USP35: variants seen among roughly 807,000 people sequenced by gnomAD.
The protein encoded by USP35 is ubiquitin specific peptidase 35.
Under a neutral mutation model 83.8 loss-of-function variants are expected in USP35, and 69 were observed. The observed-to-expected ratio is 0.82, with a 90% CI of 0.68 to 1.01. The LOEUF is 1.01. Among genes scored for constraint, USP35 ranks in the 50% least tolerant of loss-of-function variants. The pLI, the probability that USP35 is intolerant of heterozygous loss-of-function variation, is 0.00. For synonymous variants in USP35, 714 were observed against 589.5 expected (o/e 1.21, Z -3.06); for missense variants, 1,503 against 1,362.5 (o/e 1.10, Z -1.62).
the USP35 span, among the ~76,000 whole-genome samples, chr11:78,221,101 T>TC: frequency 6.6e-6 from 1 of 152,184 alleles, no homozygotes; most frequent in African/African-American, 2.4e-5. Context: ...GAGCACCACC[T>TC]CCTCTAGAAC....
At position 78,196,100 on chromosome 11, in the gene USP35, C is replaced by T. The variant is rs1260978981; in HGVS notation, c.-10-136C>T. On this transcript the variant is annotated intron_variant, in intron 1 of 10. Coordinates refer to ENST00000529308, the MANE Select transcript of USP35 (RefSeq NM_020798.4). The surrounding 1 kb of genome is among the most constrained non-coding windows in gnomAD (Gnocchi z 4.8). ...GCTCTCAGTGAAATGACGCCCTTGCCCCATTTCACAGATGAGAAAACTGAG... is the reference window on the plus strand; with the variant it reads ...GCTCTCAGTGAAATGACGCCCTTGCTCCATTTCACAGATGAGAAAACTGAG... The T allele has an allele frequency of 1.5e-6, 2 of 1,355,104 alleles. No homozygotes were observed. Among genetic ancestry groups the T allele is most frequent in the African/African-American group, 3.1e-5 (2 of 64,646 alleles). 83.9% of individuals were successfully genotyped at this position (1,355,104 alleles called of 1,614,324 possible). A position where few individuals can be genotyped will look rare whatever the true frequency, so the allele number is the denominator to read the frequency against.
In USP35 at chr11:78,215,153, T is replaced by TGAGGTAGAGAG. The variant is rs534535741; in HGVS notation, c.*1341_*1351dup. On this transcript the variant is annotated 3_prime_UTR_variant, in exon 11 of 11. Coordinates refer to ENST00000529308, the MANE Select transcript of USP35 (RefSeq NM_020798.4). Reference sequence around the variant, plus strand: ...ATGATTTCCACTTTACAACAGACGCTGAGGTAGAGAGCATTTGTTCTTATT... The same window carrying TGAGGTAGAGAG: ...ATGATTTCCACTTTACAACAGACGCTGAGGTAGAGAGGAGGTAGAGAGCATTTGTTCTTATT... The TGAGGTAGAGAG allele has an allele frequency of 6.6e-4, 100 of 152,552 alleles. No homozygotes were observed. The highest frequency in any genetic ancestry group is 3.4e-3 in the Middle Eastern group (1 of 294). The allele number at this position is 152,552 out of a possible 1,614,324, so 9.4% of individuals were successfully genotyped here. A position where few individuals can be genotyped will look rare whatever the true frequency, so the allele number is the denominator to read the frequency against.
rs370979921 is a variant in USP35 at position 78,210,324 on chromosome 11, C to T, written c.2469C>T (p.Ile823=). ...FDLRTMRRRK[I]LDDVSIPLLL... ...TGCGCACCATGCGGCGCCGCAAGAT[C>T]CTGGATGACGTCTCCATCCCCCTGC... Residue 823 remains isoleucine (I), a synonymous_variant, in exon 10 of 11, where the codon ATC becomes ATT. Coordinates refer to ENST00000529308, the MANE Select transcript of USP35 (RefSeq NM_020798.4). 130 of 1,613,140 alleles carry T rather than the reference C, an allele frequency of 8.1e-5. No individual in the cohort carries two copies. Among genetic ancestry groups the T allele is most frequent in the Middle Eastern group, 4.9e-4 (3 of 6,084 alleles).
At position 78,196,745 on chromosome 11, in the gene USP35, A is replaced by G; in HGVS notation, c.500A>G (p.Gln167Arg). ...CCCCACCGCCTGCTCTTCTGCCAGCAGCTGGTGCGTTGCCTCGGCCGCTTC... is the reference window on the plus strand; with the variant it reads ...CCCCACCGCCTGCTCTTCTGCCAGCGGCTGGTGCGTTGCCTCGGCCGCTTC... ...DGPHRLLFCQ[Q>R]LVRCLGRFRC... The change falls in exon 2 of 11, where the codon CAG (glutamine) becomes CGG (arginine). Residue 167 changes from glutamine to arginine, a missense_variant. Gln to Arg is a conservative substitution (Grantham distance 43). Coordinates refer to ENST00000529308, the MANE Select transcript of USP35 (RefSeq NM_020798.4). This position sits in a 1 kb window ranked among gnomAD's most constrained non-coding sequence, Gnocchi z 4.8. 1 of 1,531,986 alleles carries G rather than the reference A, an allele frequency of 6.5e-7. No homozygotes were observed. Among genetic ancestry groups the G allele is most frequent in the Non-Finnish European group, 8.7e-7 (1 of 1,145,362 alleles). 94.9% of individuals were successfully genotyped at this position (1,531,986 alleles called of 1,614,324 possible).
chr11:78,225,315 T>G, the USP35 span: 1 of 659,082 alleles, frequency 1.5e-6, no homozygotes, highest in East Asian at 2.7e-5. Context: ...AAGATACTAC[T>G]CTCAACCCCA....
the USP35 span, chr11:78,222,210 G>A: frequency 6.3e-7 from 1 of 1,580,322 alleles, no homozygotes; most frequent in Non-Finnish European, 8.7e-7. Context: ...AGCAGGAAAA[G>A]AAAGTCTGGT....
chr11:78,196,887 C>T lies in USP35; in HGVS notation c.642C>T (p.Leu214=). Residue 214 remains leucine, a synonymous_variant, in exon 2 of 11, where the codon CTC becomes CTT. Transcript: ENST00000529308. This position sits in a 1 kb window ranked among gnomAD's most constrained non-coding sequence, Gnocchi z 4.8. Reference sequence around the variant, plus strand: ...AGCCCGCCGCCATCCTGCCCTGCCTCAAAGAGCTGTTCGCAGTCATCTCCT... The same window carrying T: ...AGCCCGCCGCCATCCTGCCCTGCCTTAAAGAGCTGTTCGCAGTCATCTCCT... ...RAQPAAILPC[L]KELFAVISCA... 1.4e-6 allele frequency: 2 copies of T among 1,472,884 alleles called. No homozygotes were observed. Among genetic ancestry groups the T allele is most frequent in the East Asian group, 2.6e-5 (1 of 38,322 alleles). The allele number at this position is 1,472,884 out of a possible 1,614,324, so 91.2% of individuals were successfully genotyped here.
chr11:78,225,479 A>G, the USP35 span, among the ~76,000 whole-genome samples: 1 of 152,006 alleles, frequency 6.6e-6, no homozygotes, highest in Non-Finnish European at 1.5e-5. Context: ...TACACCACTC[A>G]CCTGTCCTGC....
At chr11:78,193,533 A>G (rs1863058235) in intron 1 of USP35, among the ~76,000 whole-genome samples, 1 of 152,022 alleles carries the variant, frequency 6.6e-6, no homozygotes, top group South Asian at 2.1e-4. Flanking sequence ...GACACTTTAT[A>G]GGCCTTTTGA....
rs1206402670 is a variant in USP35 at position 78,210,365 on chromosome 11, T to C, written c.2510T>C (p.Leu837Pro). 1 of 1,613,598 alleles carries C rather than the reference T, an allele frequency of 6.2e-7. No homozygotes were observed. The highest frequency in any genetic ancestry group is 1.7e-5 in the Admixed American group (1 of 60,036). The change falls in exon 10 of 11, where the codon CTG becomes CCG. Residue 837 changes from leucine (L) to proline (P), a missense_variant. Coordinates refer to ENST00000529308, the MANE Select transcript of USP35 (RefSeq NM_020798.4). ...VSIPLLLRLP[L>P]AGGRGQAYDL... The stretch of plus-strand genomic sequence containing the variant: ...ATCCCCCTGCTGCTCCGCCTGCCAC[T>C]GGCTGGTGGCCGTGGCCAGGCCTAT...
chr11:78,191,448 G>T (rs1863001963), intron 1 of USP35, among the ~76,000 whole-genome samples: 2 of 152,248 alleles, frequency 1.3e-5, no homozygotes, highest in Admixed American at 1.3e-4. Context: ...GGCTGGGAAA[G>T]GCTAAGGGGT....
rs535696280 is a variant in USP35 at position 78,200,370 on chromosome 11, C to A, written c.1038+136C>A. ...GGCAGGTCACTTGGCTGAGGCCAAGCAGCTGGATCGTGGGCTCTGGCCTCC... is the reference window on the plus strand; with the variant it reads ...GGCAGGTCACTTGGCTGAGGCCAAGAAGCTGGATCGTGGGCTCTGGCCTCC... On this transcript the variant is annotated intron_variant, in intron 5 of 10. Transcript: ENST00000529308. 2.7e-5 allele frequency: 29 copies of A among 1,088,732 alleles called. No homozygotes were observed. The African/African-American group carries it at 3.9e-4, about 15-fold the overall frequency. The allele number at this position is 1,088,732 out of a possible 1,614,324, so 67.4% of individuals were successfully genotyped here.
chr11:78,216,490 C>T (rs973765005), downstream of USP35: 2 of 152,144 alleles, frequency 1.3e-5, no homozygotes, highest in Non-Finnish European at 2.9e-5. Flanking sequence ...GCCTGTGAGC[C>T]AGAGCTTTGC....
chr11:78,219,578 T>C (rs1864316331), downstream of USP35, among the ~76,000 whole-genome samples: 1 of 152,136 alleles, frequency 6.6e-6, no homozygotes, highest in Admixed American at 6.5e-5. Flanking sequence ...TTTCTGAATG[T>C]GGGCTTTAAA....
intron 10 of USP35, 150 bp from the exon 11 acceptor site, chr11:78,213,496 C>A: frequency 1.1e-6 from 1 of 908,788 alleles, no homozygotes; most frequent in Non-Finnish European, 1.5e-6. Context: ...GGTGTCCACC[C>A]CGGATATCCT....
the USP35 span, chr11:78,220,287 T>C: frequency 6.2e-7 from 1 of 1,610,730 alleles, no homozygotes; most frequent in Non-Finnish European, 8.5e-7. Flanking sequence ...CCCTGAGAGC[T>C]CTTACTGCCC....
At chr11:78,211,485 G>T (rs886419192) in intron 10 of USP35, among the ~76,000 whole-genome samples, 3 of 152,084 alleles carry the variant, frequency 2.0e-5, no homozygotes, top group Non-Finnish European at 4.4e-5. Flanking sequence ...GGGATTGCTG[G>T]GTCAAATGGT....
chr11:78,231,336 G>T, the USP35 span, among the ~76,000 whole-genome samples: 4 of 145,796 alleles, frequency 2.7e-5, no homozygotes, highest in Admixed American at 6.8e-5. Flanking sequence ...GCGCGTGTGT[G>T]GTGTGTGTGT....
At chr11:78,199,356 G>C (rs1275962658) in intron 3 of USP35, 6 of 530,568 alleles carry the variant, frequency 1.1e-5, no homozygotes, top group Non-Finnish European at 2.0e-5. Context: ...GAGACTTGGG[G>C]TGCTGAGAGG....
Sources: gnomAD v4.1 joint callset for allele counts (sites outside exome capture counted in the v4.1 genomes callset) on GRCh38, gnomAD v4.1.1 for gene constraint, Gnocchi (gnomAD v3.1) non-coding constraint, MANE v1.5 for transcripts, NCBI Gene and HGNC (gene_info 2026-07-23, HGNC 2026-07-21) for gene names.